Variants in ADTRP observed in about 807,000 individuals in gnomAD.
The protein encoded by ADTRP is androgen dependent TFPI regulating protein.
Under a neutral mutation model 27.0 loss-of-function variants are expected in ADTRP, and 20 were observed. That is an observed-to-expected ratio of 0.74 (90% CI 0.52 to 1.08). ADTRP has a LOEUF of 1.08. Ranked by LOEUF, ADTRP falls within the 50% of genes least tolerant of loss-of-function variation. ADTRP has a pLI of 0.00. For synonymous variants in ADTRP, 101 were observed against 105.2 expected (o/e 0.96, Z 0.25); for missense variants, 251 against 275.0 (o/e 0.91, Z 0.62).
At chr6:11,770,911 T>A (rs557039151) in intron 1 of ADTRP, among the ~76,000 whole-genome samples, 1 of 152,302 alleles carries the variant, frequency 6.6e-6, no homozygotes, top group African/African-American at 2.4e-5. Flanking sequence ...AGGCCTGCGC[T>A]GTTCTATCAG....
chr6:11,772,631 C>T (rs906216175), intron 1 of ADTRP, among the ~76,000 whole-genome samples: 8 of 152,152 alleles, frequency 5.3e-5, no homozygotes, highest in African/African-American at 1.9e-4. Flanking sequence ...CTCAGCCAGG[C>T]GGGACTTTCT....
At chr6:11,725,748 A>C (rs149423183) in intron 4 of ADTRP, among the ~76,000 whole-genome samples, 11,422 of 152,022 alleles carry the variant, frequency 0.075, 519 homozygotes, top group Non-Finnish European at 0.1. Context: ...ATATACAAAA[A>C]ATTAGCCAGG....
At chr6:11,714,696 C>T (rs546758812) in intron 5 of ADTRP, among the ~76,000 whole-genome samples, 184 bp from the exon 6 acceptor site, 1 of 152,330 alleles carries the variant, frequency 6.6e-6, no homozygotes, top group East Asian at 1.9e-4. Flanking sequence ...GGGCAGAGAA[C>T]AACTCTGCCG....
chr6:11,763,437 G>A (rs1326772673), intron 3 of ADTRP, among the ~76,000 whole-genome samples: 1 of 152,204 alleles, frequency 6.6e-6, no homozygotes, highest in African/African-American at 2.4e-5. Context: ...AAGCTTTCAG[G>A]ACAGCATGGC....
chr6:11,771,697 C>G (rs935284940), intron 1 of ADTRP, among the ~76,000 whole-genome samples: 22 of 152,322 alleles, frequency 1.4e-4, no homozygotes, highest in African/African-American at 5.3e-4. Flanking sequence ...AAATCCTAAC[C>G]TCCAGGACCT....
chr6:11,765,319 G>GTTTTT lies in ADTRP; in HGVS notation c.390+954_390+955insAAAAA, dbSNP rs770169717. 1.5e-3 allele frequency among the ~76,000 whole-genome samples: 170 copies of GTTTTT among 112,502 alleles called. 18 individuals are homozygous for GTTTTT. The highest frequency in any genetic ancestry group is 5.2e-3 in the Middle Eastern group (1 of 192). 73.8% of individuals were successfully genotyped at this position (112,502 alleles called of 152,430 possible). A position where few individuals can be genotyped will look rare whatever the true frequency, so the allele number is the denominator to read the frequency against. On this transcript the variant is annotated intron_variant, in intron 3 of 5. Coordinates refer to ENST00000414691, the MANE Select transcript of ADTRP (RefSeq NM_032744.4). Reference sequence around the variant, plus strand: ...GCCACTTCCTTGTGCCTTTCCCCTGGTTTGTTTTTTTTTTTTTTTTTTTTT... The same window carrying GTTTTT: ...GCCACTTCCTTGTGCCTTTCCCCTGGTTTTTTTTGTTTTTTTTTTTTTTTTTTTTT...
At chr6:11,765,719 C>A (rs1763551548) in intron 3 of ADTRP, among the ~76,000 whole-genome samples, 1 of 151,984 alleles carries the variant, frequency 6.6e-6, no homozygotes, top group Non-Finnish European at 1.5e-5. Context: ...TATTCAGGTT[C>A]CAGTGACCTA....
At position 11,768,323 on chromosome 6, in the gene ADTRP, C is replaced by T. The variant is rs1763641569; in HGVS notation, c.214G>A (p.Gly72Arg). The change falls in exon 2 of 6, where the codon GGG (glycine) becomes AGG (arginine). Residue 72 changes from glycine to arginine, a missense_variant. Physicochemically the swap from Gly to Arg is moderately radical, Grantham distance 125. Coordinates refer to ENST00000414691, the MANE Select transcript of ADTRP (RefSeq NM_032744.4). The stretch of plus-strand genomic sequence containing the variant: ...GTTAGGAACTTAATGTCTTTTCCCC[C>T]TTTGGTTCTTTTCAGCACATCATCC... Reference protein sequence around the residue: ...CLDDVLKRTKGGKDIKFLTAF... With the variant: ...CLDDVLKRTKRGKDIKFLTAF... The T allele has an allele frequency of 6.2e-7, 1 of 1,614,202 alleles. No individual in the cohort carries two copies. The highest frequency in any genetic ancestry group is 2.2e-5 in the East Asian group (1 of 44,888).
At chr6:11,744,993 G>A (rs181051059) in intron 3 of ADTRP, among the ~76,000 whole-genome samples, 22 of 152,212 alleles carry the variant, frequency 1.4e-4, no homozygotes, top group African/African-American at 3.1e-4. Flanking sequence ...CAAACCTTCC[G>A]CATGACTGAT....
intron 5 of ADTRP, among the ~76,000 whole-genome samples, chr6:11,719,398 C>T (rs1426454994): frequency 1.3e-5 from 2 of 152,066 alleles, no homozygotes; most frequent in Admixed American, 6.6e-5. Context: ...TTCCGGATCC[C>T]GATTGCAAGT....
At chr6:11,719,328 T>C (rs1351182272) in intron 5 of ADTRP, among the ~76,000 whole-genome samples, 1 of 152,178 alleles carries the variant, frequency 6.6e-6, no homozygotes, top group African/African-American at 2.4e-5. Flanking sequence ...CCCAAGATCC[T>C]CATTTTGATG....
chr6:11,755,462 G>C (rs1157495450), intron 3 of ADTRP, among the ~76,000 whole-genome samples: 1 of 152,228 alleles, frequency 6.6e-6, no homozygotes, highest in East Asian at 1.9e-4. Context: ...AACACAGTGA[G>C]TGCCTGGTCC....
rs539150397 is a variant in ADTRP, at chr6:11,778,625, A to G, written c.135T>C (p.Tyr45=). Residue 45 remains tyrosine, a synonymous_variant, in exon 1 of 6, where the codon TAT becomes TAC. Coordinates refer to ENST00000414691, the MANE Select transcript of ADTRP (RefSeq NM_032744.4). ...GACTTACCAGATTAAGCAGCGTCATATATTTCCACCTTGCACCATTTGCCA... is the reference window on the plus strand; with the variant it reads ...GACTTACCAGATTAAGCAGCGTCATGTATTTCCACCTTGCACCATTTGCCA... The part of the protein sequence containing the change: ...KILANGARWK[Y]MTLLNLLLQT... The G allele has an allele frequency of 1.5e-5, 24 of 1,614,218 alleles. No individual in the cohort carries two copies. In the South Asian group the frequency reaches 2.3e-4, roughly 16 times the overall value.
rs562420698 is a variant in ADTRP, at chr6:11,762,272, T to C, written c.390+4002A>G. 4.9e-4 allele frequency among the ~76,000 whole-genome samples: 74 copies of C among 152,334 alleles called. No homozygotes were observed. The South Asian group carries it at 0.015, about 30-fold the overall frequency. ...GGCACAGAACCCCTCCTGTCCATGT[T>C]CTTCCTTCAGCAATAACCATGTCCC... On this transcript the variant is annotated intron_variant, in intron 3 of 5. Transcript: ENST00000414691.
chr6:11,740,388 AT>A (rs35904404), intron 3 of ADTRP, among the ~76,000 whole-genome samples: 44,895 of 152,104 alleles, frequency 0.3, 8,055 homozygotes, highest in East Asian at 0.67. Flanking sequence ...CAAATATATC[AT>A]TTTTTTAATT....
At chr6:11,723,874 C>G (rs1373682699) in intron 4 of ADTRP, among the ~76,000 whole-genome samples, 1 of 151,932 alleles carries the variant, frequency 6.6e-6, no homozygotes, top group South Asian at 2.1e-4. Flanking sequence ...GCCTGGCCAA[C>G]ATGATGAAAC....
rs1388349081 is a variant in ADTRP at position 11,713,769 on chromosome 6, G to T, written c.*709C>A. 1 of 152,198 alleles carries T rather than the reference G, an allele frequency of 6.6e-6. No individual in the cohort carries two copies. The highest frequency in any genetic ancestry group is 2.4e-5 in the African/African-American group (1 of 41,434). 9.4% of individuals were successfully genotyped at this position (152,198 alleles called of 1,614,324 possible). ...TTTGATGTTTATACCTGCCCTGAAT[G>T]CTTGCTCAGAAGAGAAACAGATTTC... On this transcript the variant is annotated 3_prime_UTR_variant, in exon 6 of 6. Transcript: ENST00000414691.
chr6:11,762,324 C>T (rs1488982465), intron 3 of ADTRP, among the ~76,000 whole-genome samples: 3 of 152,218 alleles, frequency 2.0e-5, no homozygotes, highest in Admixed American at 2.0e-4. Context: ...ATGCCACTGC[C>T]TTGTGTAAGC....
Position 11,714,598 on chromosome 6 carries a change from T to G in ADTRP, c.659-86A>C. ...GTTGTGGGTAGAGATTCACTCTGAC[T>G]TGGGGCAGTGGAAAGTTGAACACAC... On this transcript the variant is annotated intron_variant, in intron 5 of 5. Coordinates refer to ENST00000414691, the MANE Select transcript of ADTRP (RefSeq NM_032744.4). The G allele has an allele frequency of 3.4e-6, 5 of 1,485,278 alleles. No individual in the cohort carries two copies. The South Asian group carries it at 6.2e-5, about 18-fold the overall frequency. The allele number at this position is 1,485,278 out of a possible 1,614,324, so 92.0% of individuals were successfully genotyped here.
Sources: allele counts gnomAD v4.1 joint callset (sites outside exome capture counted in the v4.1 genomes callset), GRCh38; gene constraint gnomAD v4.1.1; transcripts MANE v1.5; gene names NCBI Gene and HGNC (gene_info 2026-07-23, HGNC 2026-07-21).